The following NRCAM variants were observed in gnomAD, a reference collection of about 807,000 sequenced individuals.
The protein encoded by NRCAM is NgCAM-related cell adhesion molecule.
In NRCAM, 83 loss-of-function variants were observed where a neutral mutation model predicts 156.5. The ratio of observed to expected loss-of-function variants is 0.53; its 90% CI spans 0.44 to 0.64. The LOEUF is 0.64. Ranked by LOEUF, NRCAM falls within the 30% of genes least tolerant of loss-of-function variation. The pLI, the probability that NRCAM is intolerant of heterozygous loss-of-function variation, is 0.00. For synonymous variants in NRCAM, 538 were observed against 563.9 expected, an observed-to-expected ratio of 0.95 and a Z score of 0.65; for missense variants, 1,417 against 1,597.3, an observed-to-expected ratio of 0.89 and a Z score of 1.92.
In NRCAM at chr7:108,181,195, G is replaced by A. The variant is rs79114723; in HGVS notation, c.2646+627C>T. ...ACATGGAATCTGGCAATGCTAGGGG[G>A]AAAAAAAAAAAGTTGAATGTGATGT... On this transcript the variant is annotated intron_variant, in intron 24 of 32. Coordinates refer to ENST00000379028, the MANE Select transcript of NRCAM (RefSeq NM_001037132.4). 7.5e-3 allele frequency among the ~76,000 whole-genome samples: 1,123 copies of A among 148,756 alleles called. 28 individuals are homozygous for A. The highest frequency in any genetic ancestry group is 0.026 in the African/African-American group (1,055 of 40,712).
chr7:108,438,154 G>C (rs530431694), intron 1 of NRCAM, among the ~76,000 whole-genome samples: 1 of 151,914 alleles, frequency 6.6e-6, no homozygotes. Context: ...AAACAGAAGC[G>C]AGAACACTTC....
intron 3 of NRCAM, among the ~76,000 whole-genome samples, chr7:108,273,764 A>C (rs889473082): frequency 6.6e-6 from 1 of 152,148 alleles, no homozygotes; most frequent in Non-Finnish European, 1.5e-5. Flanking sequence ...CCATTTGTCT[A>C]TTTTGGCTGT....
At chr7:108,279,578 G>A (rs922387098) in intron 3 of NRCAM, among the ~76,000 whole-genome samples, 7 of 152,010 alleles carry the variant, frequency 4.6e-5, no homozygotes, top group East Asian at 3.9e-4. Context: ...GAGTGCAGTG[G>A]TGCGATAATA....
Position 108,207,510 on chromosome 7 carries a change from C to G in NRCAM, c.1207+18G>C. ...CTCTGAAAATATACTGCAATTAGAA[C>G]CACTCAAGGCAACTTACTTTCTATT... On this transcript the variant is annotated intron_variant, in intron 13 of 32. Coordinates refer to ENST00000379028, the MANE Select transcript of NRCAM (RefSeq NM_001037132.4). 1.2e-6 allele frequency: 2 copies of G among 1,611,546 alleles called. No individual in the cohort carries two copies. The highest frequency in any genetic ancestry group is 1.7e-6 in the Non-Finnish European group (2 of 1,179,034).
intron 3 of NRCAM, among the ~76,000 whole-genome samples, chr7:108,312,231 A>C (rs1349281222): frequency 6.6e-6 from 1 of 152,222 alleles, no homozygotes; most frequent in Non-Finnish European, 1.5e-5. Context: ...TTGTGAGACA[A>C]GAAAAATCAC....
At chr7:108,440,542 G>C (rs1295283292) in intron 1 of NRCAM, among the ~76,000 whole-genome samples, 1 of 152,098 alleles carries the variant, frequency 6.6e-6, no homozygotes, top group Non-Finnish European at 1.5e-5. Context: ...CATTAGTTGG[G>C]TTTTACTCCT....
chr7:108,436,451 A>G (rs1347289045), intron 1 of NRCAM, among the ~76,000 whole-genome samples: 1 of 152,222 alleles, frequency 6.6e-6, no homozygotes, highest in Non-Finnish European at 1.5e-5. Flanking sequence ...TTTAAGAGAT[A>G]CTAAAGTATT....
rs140279782 is a variant in NRCAM at position 108,206,816 on chromosome 7, T to C, written c.1207+712A>G. On this transcript the variant is annotated intron_variant, in intron 13 of 32. Transcript: ENST00000379028. Reference sequence around the variant, plus strand: ...GCCTGAAGCCACACGCTGGGAAGCATAGTGGTAGCTTGGAGATATTGGCTA... The same window carrying C: ...GCCTGAAGCCACACGCTGGGAAGCACAGTGGTAGCTTGGAGATATTGGCTA... Among the ~76,000 whole-genome samples the C allele has an allele frequency of 9.5e-4, 144 of 152,262 alleles. 1 individual carries two copies. The highest frequency in any genetic ancestry group is 3.4e-3 in the Middle Eastern group (1 of 294).
chr7:108,391,596 T>C (rs1289047441), intron 2 of NRCAM, among the ~76,000 whole-genome samples: 3 of 152,316 alleles, frequency 2.0e-5, no homozygotes, highest in East Asian at 3.9e-4. Flanking sequence ...TATTGTTATG[T>C]GTGAATTTGA....
chr7:108,326,200 A>G (rs1409208862), intron 2 of NRCAM, among the ~76,000 whole-genome samples: 1 of 152,246 alleles, frequency 6.6e-6, no homozygotes, highest in Non-Finnish European at 1.5e-5. Context: ...ATAAAAAGAT[A>G]CATCTAATTC....
At chr7:108,368,740 G>A (rs969590626) in intron 2 of NRCAM, among the ~76,000 whole-genome samples, 1 of 151,982 alleles carries the variant, frequency 6.6e-6, no homozygotes, top group Non-Finnish European at 1.5e-5. Flanking sequence ...AAAAACAAGC[G>A]TGAAGTAGAG....
rs551890567 is a variant in NRCAM at position 108,345,083 on chromosome 7, A to G, written c.-173-32352T>C. ...AGAATGTGGGTCCCTGATAAATTCAATATTTTATAAAGAAATAGTGGAATG... is the reference window on the plus strand; with the variant it reads ...AGAATGTGGGTCCCTGATAAATTCAGTATTTTATAAAGAAATAGTGGAATG... On this transcript the variant is annotated intron_variant, in intron 2 of 32. Transcript: ENST00000379028. 1.8e-4 allele frequency among the ~76,000 whole-genome samples: 27 copies of G among 152,350 alleles called. No individual in the cohort carries two copies. The South Asian group carries it at 3.1e-3, about 18-fold the overall frequency.
intron 11 of NRCAM, among the ~76,000 whole-genome samples, chr7:108,222,977 T>C (rs931962430): frequency 6.6e-6 from 1 of 152,166 alleles, no homozygotes; most frequent in Non-Finnish European, 1.5e-5. Flanking sequence ...AGCTTCAATT[T>C]TGAAGTGTGC....
intron 3 of NRCAM, among the ~76,000 whole-genome samples, chr7:108,266,867 A>T (rs560169379): frequency 3.5e-4 from 53 of 151,948 alleles, no homozygotes; most frequent in Admixed American, 7.2e-4. Context: ...TTTAAAGGAC[A>T]TTCCTGTCAG....
At chr7:108,415,048 G>GA (rs753087639) in intron 1 of NRCAM, among the ~76,000 whole-genome samples, 5 of 151,616 alleles carry the variant, frequency 3.3e-5, no homozygotes, top group African/African-American at 1.2e-4. Context: ...AGATGAAAAA[G>GA]AAAAAAAATA....
Position 108,277,523 on chromosome 7 carries a change from G to A in NRCAM, c.-107+35142C>T, listed in dbSNP as rs193253506. On this transcript the variant is annotated intron_variant, in intron 3 of 32. Transcript: ENST00000379028. ...CTGATATCCTTTCTTCTGCTTGATC[G>A]AATAGGCTATTGAAGCTTGTGTATG... is the stretch of plus-strand genomic sequence containing the variant. Among the ~76,000 whole-genome samples the A allele has an allele frequency of 2.3e-3, 356 of 151,552 alleles. 2 individuals are homozygous for A. Among genetic ancestry groups the A allele is most frequent in the African/African-American group, 8.3e-3 (343 of 41,304 alleles).
chr7:108,287,313 CA>C (rs1313939913), intron 3 of NRCAM, among the ~76,000 whole-genome samples: 1 of 151,782 alleles, frequency 6.6e-6, no homozygotes, highest in Non-Finnish European at 1.5e-5. Context: ...ACAACAAAAA[CA>C]AAAATAGACA....
chr7:108,416,414 G>A (rs1315434088), intron 1 of NRCAM, among the ~76,000 whole-genome samples: 2 of 152,128 alleles, frequency 1.3e-5, no homozygotes, highest in South Asian at 2.1e-4. Context: ...AACCACAGGC[G>A]TGTGGCAAAG....
intron 23 of NRCAM, among the ~76,000 whole-genome samples, chr7:108,182,195 AG>A (rs2063849971): frequency 6.6e-6 from 1 of 152,088 alleles, no homozygotes; most frequent in South Asian, 2.1e-4. Context: ...ATCAGTGAGT[AG>A]GAAAACACGA....
Sources: gnomAD v4.1 joint callset for allele counts (sites outside exome capture counted in the v4.1 genomes callset) on GRCh38, gnomAD v4.1.1 for gene constraint, MANE v1.5 for transcripts, NCBI Gene and HGNC (gene_info 2026-07-23, HGNC 2026-07-21) for gene names.